Variants in TAF4B observed in about 807,000 individuals in gnomAD.
TAF4B encodes the protein TATA-box binding protein associated factor 4b, also known as transcription initiation factor TFIID subunit 4B.
TAF4B carries 38 observed loss-of-function variants against 86.4 expected under a neutral mutation model. The observed-to-expected ratio is 0.44, with a 90% CI of 0.34 to 0.58. The LOEUF (loss-of-function observed/expected upper bound fraction) is 0.58. Ranked by LOEUF, TAF4B falls within the 20% of genes least tolerant of loss-of-function variation. The pLI is 0.02. For missense variants in TAF4B, 988 were observed against 1,027.6 expected, an observed-to-expected ratio of 0.96 and a Z score of 0.53; for synonymous variants, 388 against 391.2, an observed-to-expected ratio of 0.99 and a Z score of 0.10.
At chr18:26,369,357 A>G (rs1036838378) in intron 14 of TAF4B, among the ~76,000 whole-genome samples, 4 of 152,206 alleles carry the variant, frequency 2.6e-5, no homozygotes, top group Non-Finnish European at 5.9e-5. Context: ...GAAATAAGCA[A>G]TGATAAAAGA....
intron 5 of TAF4B, among the ~76,000 whole-genome samples, chr18:26,278,562 G>A (rs557532482): frequency 1.5e-4 from 22 of 150,722 alleles, no homozygotes; most frequent in African/African-American, 5.4e-4. Context: ...TGCACCCTTG[G>A]CCCGCCAAAG....
chr18:26,388,438 C>G (rs1978505866), intron 14 of TAF4B, among the ~76,000 whole-genome samples: 1 of 152,232 alleles, frequency 6.6e-6, no homozygotes, highest in South Asian at 2.1e-4. Flanking sequence ...CTCTGCTAAG[C>G]TCTAGAGGAG....
At chr18:26,241,237 TATTA>T (rs2055833986) in intron 1 of TAF4B, among the ~76,000 whole-genome samples, 3 of 152,320 alleles carry the variant, frequency 2.0e-5, no homozygotes, top group Middle Eastern at 3.4e-3. Context: ...GTTGGTAGGC[TATTA>T]ATTATTGCCT....
chr18:26,302,209 T>C (rs1029187022), intron 9 of TAF4B, among the ~76,000 whole-genome samples: 2 of 152,158 alleles, frequency 1.3e-5, no homozygotes, highest in Admixed American at 1.3e-4. Context: ...TTTACTTTCT[T>C]TTATGGTATA....
At chr18:26,305,614 C>G (rs912498857) in intron 9 of TAF4B, among the ~76,000 whole-genome samples, 2 of 152,100 alleles carry the variant, frequency 1.3e-5, no homozygotes, top group African/African-American at 4.8e-5. Flanking sequence ...ATCATGTTGG[C>G]CAGGCCAGTC....
intron 13 of TAF4B, among the ~76,000 whole-genome samples, chr18:26,344,118 A>G (rs1196996859): frequency 6.6e-6 from 1 of 152,218 alleles, no homozygotes; most frequent in Non-Finnish European, 1.5e-5. Context: ...AGGAACTGAA[A>G]ACGACAATAA....
Position 26,292,384 on chromosome 18 carries a change from A to G in TAF4B, c.1726+3A>G, listed in dbSNP as rs1336613283. On this transcript the variant is annotated splice_donor_region_variant and intron_variant, in intron 8 of 14. Transcript: ENST00000269142. ...ACCTACTAGTCAGTTTCCTCCAGGT[A>G]GATGCTGGTCCATCTCAGTCCCATC... The G allele has an allele frequency of 1.2e-6, 2 of 1,610,728 alleles. No individual in the cohort carries two copies. The highest frequency in any genetic ancestry group is 1.3e-5 in the African/African-American group (1 of 74,720).
rs548687860 is a variant in TAF4B, at chr18:26,367,095, A to G, written c.2421+9301A>G. On this transcript the variant is annotated intron_variant, in intron 14 of 14. Coordinates refer to ENST00000269142, the MANE Select transcript of TAF4B (RefSeq NM_005640.3). ...ATCATCCTAAAAGCACTATTCTATA[A>G]TTTGTGGGACAGTGTGTCTTGGACA... 2.0e-3 allele frequency among the ~76,000 whole-genome samples: 303 copies of G among 152,306 alleles called. 2 individuals are homozygous for G. The highest frequency in any genetic ancestry group is 7.1e-3 in the African/African-American group (295 of 41,576).
chr18:26,346,797 ATG>A lies in TAF4B; in HGVS notation c.2317-10889_2317-10888del, dbSNP rs1186267913. 1.9e-3 allele frequency among the ~76,000 whole-genome samples: 40 copies of A among 21,360 alleles called. 1 individual carries two copies. The highest frequency in any genetic ancestry group is 7.7e-3 in the East Asian group (2 of 260). 14.0% of individuals were successfully genotyped at this position (21,360 alleles called of 152,430 possible). On this transcript the variant is annotated intron_variant, in intron 13 of 14. Coordinates refer to ENST00000269142, the MANE Select transcript of TAF4B (RefSeq NM_005640.3). ...TATGTGTGTGTATATATATATATAT[ATG>A]TGTATATATATATATATGTGTGTGT...
chr18:26,302,124 C>G (rs931899554), intron 9 of TAF4B, among the ~76,000 whole-genome samples: 6 of 152,136 alleles, frequency 3.9e-5, no homozygotes, highest in African/African-American at 1.4e-4. Flanking sequence ...TGGTCTGTAA[C>G]AGAAACAGAA....
rs151096604 is a variant in TAF4B at position 26,340,367 on chromosome 18, A to C, written c.2316+5136A>C. On this transcript the variant is annotated intron_variant, in intron 13 of 14. Coordinates refer to ENST00000269142, the MANE Select transcript of TAF4B (RefSeq NM_005640.3). ...TATTTAAACTTCATGCAAGTTCTAC[A>C]TGGCCAAAACTCATGGAGTACTGGA... 1.7e-3 allele frequency among the ~76,000 whole-genome samples: 259 copies of C among 152,344 alleles called. 1 individual carries two copies. In the East Asian group the frequency reaches 0.048, roughly 28 times the overall value.
At chr18:26,335,832 C>T (rs1367728247) in intron 13 of TAF4B, among the ~76,000 whole-genome samples, 2 of 152,202 alleles carry the variant, frequency 1.3e-5, no homozygotes, top group African/African-American at 2.4e-5. Context: ...TCATTTATGT[C>T]TGCAGCCTCC....
chr18:26,226,638 G>C lies in TAF4B; in HGVS notation c.-296G>C. 1 of 292,928 alleles carries C rather than the reference G, an allele frequency of 3.4e-6. No individual in the cohort carries two copies. Among genetic ancestry groups the C allele is most frequent in the Non-Finnish European group, 6.3e-6 (1 of 159,268 alleles). The allele number at this position is 292,928 out of a possible 1,614,324, so 18.1% of individuals were successfully genotyped here. On this transcript the variant is annotated 5_prime_UTR_variant, in exon 1 of 15. Transcript: ENST00000269142. Reference sequence around the variant, plus strand: ...CTCCCCCGCAGCGGGACCCGAGCCTGAGGCGCAGGGCTGAGGCAGCGCACG... The same window carrying C: ...CTCCCCCGCAGCGGGACCCGAGCCTCAGGCGCAGGGCTGAGGCAGCGCACG...
chr18:26,245,207 AG>A (rs2055904321), intron 1 of TAF4B, among the ~76,000 whole-genome samples: 1 of 152,144 alleles, frequency 6.6e-6, no homozygotes, highest in Non-Finnish European at 1.5e-5. Context: ...AGCAAGCAAA[AG>A]GGGTCCGATG....
intron 13 of TAF4B, among the ~76,000 whole-genome samples, chr18:26,346,875 GTGTATATATA>G (rs2057198951): frequency 1.9e-4 from 1 of 5,138 alleles, no homozygotes; most frequent in African/African-American, 3.4e-4. Flanking sequence ...ATATATATAT[GTGTATATATA>G]TATATATATA....
chr18:26,293,591 A>T (rs566497611), intron 9 of TAF4B, 60 bp downstream of exon 9: 10 of 1,065,774 alleles, frequency 9.4e-6, no homozygotes, highest in South Asian at 1.7e-5. Flanking sequence ...AAAAGGAGAG[A>T]TGACAGAATA....
At chr18:26,268,167 A>C (rs1313713122) in intron 3 of TAF4B, among the ~76,000 whole-genome samples, 2 of 152,152 alleles carry the variant, frequency 1.3e-5, no homozygotes, top group African/African-American at 4.8e-5. Context: ...AGCCTGATGG[A>C]ACTTATAAAT....
At chr18:26,298,792 A>G (rs1598773680) in intron 9 of TAF4B, among the ~76,000 whole-genome samples, 1 of 125,710 alleles carries the variant, frequency 8.0e-6, no homozygotes, top group African/African-American at 3.1e-5. Context: ...AGATCCTCCC[A>G]CTGCAGTCTC....
chr18:26,306,955 A>AT (rs529839413), intron 9 of TAF4B, among the ~76,000 whole-genome samples: 98 of 151,290 alleles, frequency 6.5e-4, no homozygotes, highest in Non-Finnish European at 1.3e-3. Context: ...TTTTTTTTGT[A>AT]TTTTTTTAGT....
Sources: gnomAD v4.1 joint callset for allele counts (sites outside exome capture counted in the v4.1 genomes callset) on GRCh38, gnomAD v4.1.1 for gene constraint, MANE v1.5 for transcripts, NCBI Gene and HGNC (gene_info 2026-07-23, HGNC 2026-07-21) for gene names.